The following GAB2 variants were observed in gnomAD, a reference collection of about 807,000 sequenced individuals.
The protein encoded by GAB2 is GRB2 associated binding protein 2, also known as GRB2-associated-binding protein 2.
Under a neutral mutation model 65.5 loss-of-function variants are expected in GAB2, and 26 were observed. That is an observed-to-expected ratio of 0.40 (90% confidence interval 0.29 to 0.55). The LOEUF is 0.55. GAB2 is among the 20% of genes least tolerant of loss of function. GAB2 has a pLI of 0.53. For synonymous variants in GAB2, 321 were observed against 329.6 expected, an observed-to-expected ratio of 0.97 and a Z score of 0.28; for missense variants, 884 against 875.8, an observed-to-expected ratio of 1.01 and a Z score of -0.12.
At chr11:78,223,047 A>T (rs1027197853) in intron 6 of GAB2, among the ~76,000 whole-genome samples, 1 of 152,212 alleles carries the variant, frequency 6.6e-6, no homozygotes, top group African/African-American at 2.4e-5. Context: ...GGCCAGACCC[A>T]CAGGGGGCTA....
At chr11:78,387,188 T>G (rs1415219241) in intron 1 of GAB2, among the ~76,000 whole-genome samples, 1 of 152,130 alleles carries the variant, frequency 6.6e-6, no homozygotes, top group Non-Finnish European at 1.5e-5. Context: ...CACAATGGAA[T>G]ATCTTCTTTT....
At position 78,325,278 on chromosome 11, in the gene GAB2, TGGG is replaced by T. The variant is rs549655497; in HGVS notation, c.76-44380_76-44378del. Among the ~76,000 whole-genome samples the T allele has an allele frequency of 9.3e-4, 141 of 152,130 alleles. 1 individual carries two copies. The highest frequency in any genetic ancestry group is 3.3e-3 in the African/African-American group (137 of 41,494). On this transcript the variant is annotated intron_variant, in intron 1 of 9. Coordinates refer to ENST00000361507, the MANE Select transcript of GAB2 (RefSeq NM_080491.3). ...ACTAAGAAGTAATGTCTATTATAGG[TGGG>T]GAGGGGAAGCAACAGTGACCATGCC... is the stretch of plus-strand genomic sequence containing the variant.
intron 1 of GAB2, among the ~76,000 whole-genome samples, chr11:78,295,968 T>C (rs1002328568): frequency 6.6e-6 from 1 of 152,178 alleles, no homozygotes; most frequent in Non-Finnish European, 1.5e-5. Flanking sequence ...GCTGGTTTTG[T>C]GGAAGATAAT....
chr11:78,228,349 T>G (rs1864748782), intron 3 of GAB2, among the ~76,000 whole-genome samples: 1 of 152,202 alleles, frequency 6.6e-6, no homozygotes, highest in Admixed American at 6.5e-5. Flanking sequence ...GAATCAATCC[T>G]TTGTAGCAGG....
chr11:78,360,723 T>C (rs967142318), intron 1 of GAB2, among the ~76,000 whole-genome samples: 3 of 152,018 alleles, frequency 2.0e-5, no homozygotes, highest in Non-Finnish European at 2.9e-5. Flanking sequence ...CTGGGGGTGG[T>C]AGCATGTCCC....
chr11:78,271,181 G>A (rs1026006963), intron 2 of GAB2, among the ~76,000 whole-genome samples: 1 of 152,196 alleles, frequency 6.6e-6, no homozygotes, highest in Non-Finnish European at 1.5e-5. Context: ...AGTACATCTG[G>A]TCAGGGATAG....
intron 3 of GAB2, among the ~76,000 whole-genome samples, chr11:78,234,389 T>G (rs1306616452): frequency 6.6e-6 from 1 of 152,088 alleles, no homozygotes; most frequent in African/African-American, 2.4e-5. Flanking sequence ...AGCCTAGAAG[T>G]TTCGTAGTAT....
At chr11:78,371,574 T>G (rs1856571848) in intron 1 of GAB2, among the ~76,000 whole-genome samples, 1 of 152,228 alleles carries the variant, frequency 6.6e-6, no homozygotes, top group Non-Finnish European at 1.5e-5. Context: ...CCAACATTGT[T>G]TATATTTATG....
At chr11:78,370,120 A>G (rs1175173869) in intron 1 of GAB2, among the ~76,000 whole-genome samples, 2 of 150,236 alleles carry the variant, frequency 1.3e-5, no homozygotes, top group African/African-American at 4.9e-5. Flanking sequence ...AGCCGGGCGT[A>G]GTGGCGGGCG....
At chr11:78,307,419 A>G (rs1227444494) in intron 1 of GAB2, among the ~76,000 whole-genome samples, 2 of 152,188 alleles carry the variant, frequency 1.3e-5, no homozygotes, top group Non-Finnish European at 2.9e-5. Flanking sequence ...GAAATTTGTG[A>G]TGGGGAAAAT....
chr11:78,305,975 AT>A (rs1166129567), intron 1 of GAB2, among the ~76,000 whole-genome samples: 2 of 152,190 alleles, frequency 1.3e-5, no homozygotes, highest in Non-Finnish European at 2.9e-5. Flanking sequence ...GAGCAAAAAT[AT>A]TTTTTACACT....
chr11:78,246,466 G>C (rs548706976), intron 3 of GAB2, among the ~76,000 whole-genome samples: 4 of 151,900 alleles, frequency 2.6e-5, no homozygotes, highest in Middle Eastern at 3.2e-3. Context: ...GTAGATGCTG[G>C]GTTCTGTTAT....
chr11:78,325,744 T>G (rs965815390), intron 1 of GAB2, among the ~76,000 whole-genome samples: 1 of 152,186 alleles, frequency 6.6e-6, no homozygotes, highest in Non-Finnish European at 1.5e-5. Context: ...TGACAACCAC[T>G]ACATTGTCAG....
At chr11:78,354,523 C>T (rs745536041) in intron 1 of GAB2, among the ~76,000 whole-genome samples, 9 of 151,914 alleles carry the variant, frequency 5.9e-5, no homozygotes, top group South Asian at 4.2e-4. Flanking sequence ...GTGGCATGAA[C>T]GACAACAGGA....
chr11:78,309,271 G>T (rs768420972), intron 1 of GAB2, among the ~76,000 whole-genome samples: 2 of 152,118 alleles, frequency 1.3e-5, no homozygotes, highest in Non-Finnish European at 2.9e-5. Context: ...ACCCTTTACA[G>T]TGTACAATTC....
chr11:78,310,567 C>T (rs528863411), intron 1 of GAB2, among the ~76,000 whole-genome samples: 9 of 151,126 alleles, frequency 6.0e-5, no homozygotes, highest in Admixed American at 2.6e-4. Context: ...GATCTGTAAG[C>T]GGGAACCAGG....
intron 1 of GAB2, among the ~76,000 whole-genome samples, chr11:78,297,114 A>C (rs982174097): frequency 1.3e-5 from 2 of 152,270 alleles, no homozygotes; most frequent in South Asian, 4.1e-4. Flanking sequence ...GTTACAAGTA[A>C]ATTTCAGTGA....
Position 78,223,574 on chromosome 11 carries a change from C to T in GAB2, c.1405G>A (p.Gly469Ser), listed in dbSNP as rs781658426. 1.9e-6 allele frequency: 3 copies of T among 1,613,850 alleles called. No individual in the cohort carries two copies. The Admixed American group carries it at 5.0e-5, about 27-fold the overall frequency. The change falls in exon 6 of 10, where the codon GGT becomes AGT. Residue 469 changes from glycine to serine, a missense_variant. Transcript: ENST00000361507. The part of the protein sequence containing the change: ...SSTLLAMERA[G>S]DNSQSVYIPM... ...ATGTAGACGCTCTGGGAATTATCAC[C>T]TGCTCGTTCCATGGCCAACAGGGTG...
intron 1 of GAB2, among the ~76,000 whole-genome samples, chr11:78,363,357 A>T (rs1273012929): frequency 6.6e-6 from 1 of 152,200 alleles, no homozygotes; most frequent in East Asian, 1.9e-4. Flanking sequence ...ACACATTTGT[A>T]TCACTTCCCA....
Sources: gnomAD v4.1 joint callset for allele counts (sites outside exome capture counted in the v4.1 genomes callset) on GRCh38, gnomAD v4.1.1 for gene constraint, MANE v1.5 for transcripts, NCBI Gene and HGNC (gene_info 2026-07-23, HGNC 2026-07-21) for gene names.